PHC3: variants seen among roughly 807,000 people sequenced by gnomAD.
PHC3 encodes polyhomeotic-like protein 3.
PHC3 carries 13 observed loss-of-function variants against 107.4 expected under a neutral mutation model. That is an observed-to-expected ratio of 0.12 (90% CI 0.08 to 0.19). The LOEUF (loss-of-function observed/expected upper bound fraction) is 0.19, where lower values mean the gene tolerates loss of function less well. PHC3 is among the 10% of genes least tolerant of loss of function. The pLI is 1.00. For synonymous variants in PHC3, 456 were observed against 427.4 expected, an observed-to-expected ratio of 1.07 and a Z score of -0.83; for missense variants, 992 against 1,210.9, an observed-to-expected ratio of 0.82 and a Z score of 2.68.
Position 170,102,536 on chromosome 3 carries a change from T to C in PHC3, c.2776A>G (p.Thr926Ala). The C allele has an allele frequency of 6.2e-7, 1 of 1,613,878 alleles. No homozygotes were observed. Among genetic ancestry groups the C allele is most frequent in the South Asian group, 1.1e-5 (1 of 91,076 alleles). ...ENSDLLPVAQTEPSIWTVDDV... is the reference protein window; with the variant it reads ...ENSDLLPVAQAEPSIWTVDDV... The stretch of plus-strand genomic sequence containing the variant: ...TCAACTGTCCATATAGATGGCTCTG[T>C]TTGTGCAACTGGTAGCAAGTCACTG... The change falls in exon 14 of 15, where the codon ACA (threonine) becomes GCA (alanine). Residue 926 changes from threonine (T) to alanine (A), a missense_variant. By Grantham distance (58) the Thr-to-Ala change is moderately conservative. Coordinates refer to ENST00000495893, the MANE Select transcript of PHC3 (RefSeq NM_024947.4).
At chr3:170,127,271 A>G (rs1012572228) in intron 8 of PHC3, among the ~76,000 whole-genome samples, 3 of 152,174 alleles carry the variant, frequency 2.0e-5, no homozygotes, top group Non-Finnish European at 4.4e-5. Context: ...GGTTCAAGAG[A>G]TTCTCCTGCC....
chr3:170,163,464 G>GTA (rs1728231121), intron 4 of PHC3, among the ~76,000 whole-genome samples: 1 of 7,240 alleles, frequency 1.4e-4, no homozygotes, highest in African/African-American at 2.5e-4. Context: ...AGTAAAGAGT[G>GTA]TGTGTGTGTG....
At chr3:170,120,215 A>C (rs1375548859) in intron 9 of PHC3, among the ~76,000 whole-genome samples, 1 of 152,174 alleles carries the variant, frequency 6.6e-6, no homozygotes, top group African/African-American at 2.4e-5. Context: ...CAGCAACATA[A>C]ATCCATTTCA....
At chr3:170,166,392 TAAACAA>T in intron 4 of PHC3, among the ~76,000 whole-genome samples, 1 of 152,150 alleles carries the variant, frequency 6.6e-6, no homozygotes. Flanking sequence ...ATAAATAAGT[TAAACAA>T]GCTTACACAA....
intron 7 of PHC3, 38 bp downstream of exon 7, chr3:170,136,381 G>A (rs1327931098): frequency 6.2e-7 from 1 of 1,610,796 alleles, no homozygotes; most frequent in East Asian, 2.2e-5. Flanking sequence ...CTAAGAAAAT[G>A]AATAATACAA....
At chr3:170,177,973 T>C (rs1453818063) in intron 2 of PHC3, among the ~76,000 whole-genome samples, 5 of 149,292 alleles carry the variant, frequency 3.3e-5, no homozygotes, top group Non-Finnish European at 6.0e-5. Context: ...GCCTAGCCAA[T>C]AGTATGATTA....
At chr3:170,117,530 C>A in intron 9 of PHC3, 54 bp from the exon 10 acceptor site, 1 of 1,535,036 alleles carries the variant, frequency 6.5e-7, no homozygotes, top group Admixed American at 2.1e-5. Context: ...TTTGCCCAAG[C>A]AAATGAAAGA....
chr3:170,173,783 C>T (rs546279205), intron 2 of PHC3, among the ~76,000 whole-genome samples: 5 of 152,190 alleles, frequency 3.3e-5, no homozygotes, highest in East Asian at 1.9e-4. Context: ...CACAGGAAAA[C>T]TTTCAAAGAC....
At chr3:170,101,690 A>G (rs1409790891) in intron 14 of PHC3, among the ~76,000 whole-genome samples, 1 of 152,188 alleles carries the variant, frequency 6.6e-6, no homozygotes, top group Non-Finnish European at 1.5e-5. Flanking sequence ...CTTAACATAT[A>G]TAACTAGTGT....
At chr3:170,122,440 T>A in intron 9 of PHC3, 151 bp downstream of exon 9, 1 of 789,324 alleles carries the variant, frequency 1.3e-6, no homozygotes, top group Non-Finnish European at 2.0e-6. Context: ...CTCGTCACCA[T>A]AAAAAATAAA....
intron 4 of PHC3, chr3:170,171,123 G>C: frequency 2.0e-6 from 1 of 511,788 alleles, no homozygotes; most frequent in Non-Finnish European, 3.4e-6. Context: ...AACCACATAA[G>C]ATCTGAACAT....
In PHC3 at chr3:170,145,477, G is replaced by A; in HGVS notation, c.618C>T (p.Asp206=). Residue 206 remains aspartate (D), a synonymous_variant, in exon 6 of 15, where the codon GAC becomes GAT. Coordinates refer to ENST00000495893, the MANE Select transcript of PHC3 (RefSeq NM_024947.4). The part of the protein sequence containing the change: ...PATTVAAVQS[D]IPVVSSSSSS... The stretch of plus-strand genomic sequence containing the variant: ...ACGATGACGACGAGACAACAGGAAT[G>A]TCAGACTGTACAGCAGCCACAGTGG... 6.2e-7 allele frequency: 1 copy of A among 1,613,272 alleles called. No homozygotes were observed. Among genetic ancestry groups the A allele is most frequent in the African/African-American group, 1.3e-5 (1 of 75,028 alleles).
At chr3:170,120,130 G>C (rs1441089579) in intron 9 of PHC3, among the ~76,000 whole-genome samples, 1 of 150,590 alleles carries the variant, frequency 6.6e-6, no homozygotes, top group Non-Finnish European at 1.5e-5. Context: ...CTTTTTTTTT[G>C]GTAACTCTAA....
chr3:170,125,494 A>T (rs1721102440), intron 8 of PHC3, among the ~76,000 whole-genome samples: 1 of 152,204 alleles, frequency 6.6e-6, no homozygotes, highest in Non-Finnish European at 1.5e-5. Context: ...CTTTGCTTAA[A>T]ATGCTGAAAC....
chr3:170,111,680 T>A (rs553223229), intron 11 of PHC3, among the ~76,000 whole-genome samples: 1 of 152,270 alleles, frequency 6.6e-6, no homozygotes, highest in African/African-American at 2.4e-5. Context: ...GTAGTAAAAA[T>A]CAAATTTTAA....
chr3:170,110,069 T>C (rs1205631415), intron 11 of PHC3, among the ~76,000 whole-genome samples: 1 of 152,174 alleles, frequency 6.6e-6, no homozygotes, highest in Non-Finnish European at 1.5e-5. Context: ...TGATATCATA[T>C]CCTGCTGATA....
chr3:170,129,668 C>G (rs947891711), intron 7 of PHC3, 116 bp from the exon 8 acceptor site: 1 of 1,066,272 alleles, frequency 9.4e-7, no homozygotes, highest in Non-Finnish European at 1.3e-6. Flanking sequence ...AATTCTATTA[C>G]AAGTTTTCCA....
intron 4 of PHC3, among the ~76,000 whole-genome samples, chr3:170,164,297 T>G (rs928104152): frequency 2.0e-5 from 3 of 152,182 alleles, no homozygotes; most frequent in African/African-American, 7.2e-5. Context: ...ACTTTTACTC[T>G]ATATATTTGT....
rs533222474 is a variant in PHC3 at position 170,149,186 on chromosome 3, C to A, written c.473G>T (p.Ser158Ile). Residue 158 changes from serine (S) to isoleucine (I), a missense_variant, in exon 5 of 15, where the codon AGT (serine) becomes ATT (isoleucine). Ser to Ile is a moderately radical substitution (Grantham distance 142). This residue lies in a region of PHC3 where 35 missense variants were observed against 73.6 expected (regional missense o/e 0.48). Coordinates refer to ENST00000495893, the MANE Select transcript of PHC3 (RefSeq NM_024947.4). Reference sequence around the variant, plus strand: ...TTGGGTAATACTGCCGCTGGTAGAACTGGAAGCCTGGGAACGGCTTATTAA... The same window carrying A: ...TTGGGTAATACTGCCGCTGGTAGAAATGGAAGCCTGGGAACGGCTTATTAA... ...AQLISRSQAS[S>I]STSGSITQQT... 6.2e-7 allele frequency: 1 copy of A among 1,613,198 alleles called. No individual in the cohort carries two copies. The highest frequency in any genetic ancestry group is 1.7e-5 in the Admixed American group (1 of 59,972).
Sources: allele counts gnomAD v4.1 joint callset (sites outside exome capture counted in the v4.1 genomes callset), GRCh38; gene constraint gnomAD v4.1.1; regional missense constraint gnomAD v4.1.1; transcripts MANE v1.5; gene names NCBI Gene and HGNC (gene_info 2026-07-23, HGNC 2026-07-21).